Variants in LIPK observed in about 807,000 individuals in gnomAD.
The protein encoded by LIPK is lipase member K.
In LIPK, 32 loss-of-function variants were observed where a neutral mutation model predicts 48.6. That is an observed-to-expected ratio of 0.66 (90% CI 0.50 to 0.88). The LOEUF is 0.88. LIPK is among the 40% of genes least tolerant of loss of function. LIPK has a pLI of 0.00. For missense variants in LIPK, 507 were observed against 478.5 expected (o/e 1.06, Z -0.56); for synonymous variants, 164 against 157.4 (o/e 1.04, Z -0.32).
Position 88,729,114 on chromosome 10 carries a change from A to ATT in LIPK, c.224-1860_224-1859dup, listed in dbSNP as rs36130319. 5.3e-3 allele frequency among the ~76,000 whole-genome samples: 794 copies of ATT among 149,030 alleles called. 6 individuals are homozygous for ATT. Among genetic ancestry groups the ATT allele is most frequent in the South Asian group, 0.015 (71 of 4,682 alleles). ...TGCCTCCAGCTGAAAAAACAAGTCT[A>ATT]TTTTTTTTTTCTGAAACAGAGCCTC... is the stretch of plus-strand genomic sequence containing the variant. On this transcript the variant is annotated intron_variant, in intron 3 of 9. Transcript: ENST00000404190.
At chr10:88,721,327 C>T (rs2134706177) in intron 1 of LIPK, among the ~76,000 whole-genome samples, 1 of 152,284 alleles carries the variant, frequency 6.6e-6, no homozygotes, top group East Asian at 1.9e-4. Flanking sequence ...ATCAAGCACC[C>T]TTACCCAACA....
intron 6 of LIPK, among the ~76,000 whole-genome samples, chr10:88,735,252 A>G (rs1449958419): frequency 2.0e-5 from 3 of 151,846 alleles, no homozygotes; most frequent in African/African-American, 7.3e-5. Context: ...CTCACCTCCC[A>G]TTTTGCCCCT....
intron 4 of LIPK, among the ~76,000 whole-genome samples, chr10:88,731,511 C>G (rs959324925): frequency 6.6e-6 from 1 of 152,202 alleles, no homozygotes; most frequent in African/African-American, 2.4e-5. Flanking sequence ...AGGGTGCTGT[C>G]TACTTCAGAA....
At position 88,732,395 on chromosome 10, in the gene LIPK, A is replaced by G; in HGVS notation, c.533-20A>G. The G allele has an allele frequency of 1.9e-6, 3 of 1,603,660 alleles. No individual in the cohort carries two copies. Among genetic ancestry groups the G allele is most frequent in the Non-Finnish European group, 1.7e-6 (2 of 1,176,474 alleles). On this transcript the variant is annotated intron_variant, in intron 5 of 9. Coordinates refer to ENST00000404190, the MANE Select transcript of LIPK (RefSeq NM_001080518.2). The stretch of plus-strand genomic sequence containing the variant: ...AATAATTATCTGAAAACTATGAACT[A>G]CTGTCTTCTTCCATTTCAGCTTTTA...
At chr10:88,750,200 T>G (rs1842841529) in intron 9 of LIPK, among the ~76,000 whole-genome samples, 1 of 152,200 alleles carries the variant, frequency 6.6e-6, no homozygotes. Flanking sequence ...CATACACCAC[T>G]GGTGGGAATG....
Position 88,743,283 on chromosome 10 carries a change from TG to T in LIPK, c.926del (p.Gly309GlufsTer7), listed in dbSNP as rs751151382. On this transcript the variant is annotated frameshift_variant, in exon 9 of 10. Coordinates refer to ENST00000404190, the MANE Select transcript of LIPK (RefSeq NM_001080518.2). LOFTEE classifies it high-confidence loss of function. Reference sequence around the variant, plus strand: ...TTCTGGTCAGCTCCAAGCTTTTGATTGGGGAAACTCTGATCAGAACATGATG... The same window carrying T: ...TTCTGGTCAGCTCCAAGCTTTTGATTGGGAAACTCTGATCAGAACATGATG... The part of the protein sequence containing the change: ...VNSGQLQAFD[W>X]GNSDQNMMHF... The T allele has an allele frequency of 6.3e-7, 1 of 1,594,006 alleles. No homozygotes were observed. Among genetic ancestry groups the T allele is most frequent in the South Asian group, 1.1e-5 (1 of 88,042 alleles).
At chr10:88,738,544 G>A (rs1842619434) in intron 7 of LIPK, among the ~76,000 whole-genome samples, 1 of 152,174 alleles carries the variant, frequency 6.6e-6, no homozygotes, top group South Asian at 2.1e-4. Flanking sequence ...GCCTTTCTAT[G>A]TTCCTCTCTC....
intron 9 of LIPK, among the ~76,000 whole-genome samples, chr10:88,751,371 C>T (rs1056996197): frequency 1.3e-5 from 2 of 151,622 alleles, no homozygotes; most frequent in South Asian, 2.1e-4. Flanking sequence ...AAAAAAAATT[C>T]TTTTTTTTAA....
intron 1 of LIPK, among the ~76,000 whole-genome samples, chr10:88,716,300 A>G (rs1842115634): frequency 6.6e-6 from 1 of 150,920 alleles, no homozygotes; most frequent in African/African-American, 2.4e-5. Flanking sequence ...GAATATCACT[A>G]TTTATTAAGA....
At chr10:88,748,677 C>A (rs1252057407) in intron 9 of LIPK, among the ~76,000 whole-genome samples, 1 of 151,624 alleles carries the variant, frequency 6.6e-6, no homozygotes, top group Admixed American at 6.6e-5. Flanking sequence ...AAACCCACAG[C>A]CAACATAATA....
chr10:88,716,811 T>C (rs886957298), intron 1 of LIPK, among the ~76,000 whole-genome samples: 1 of 152,132 alleles, frequency 6.6e-6, no homozygotes, highest in African/African-American at 2.4e-5. Flanking sequence ...AGTGGAAGTA[T>C]CCTGAAGGCT....
chr10:88,723,997 TTTTATACCCAGTG>T (rs1484816684), intron 1 of LIPK, among the ~76,000 whole-genome samples: 1 of 152,176 alleles, frequency 6.6e-6, no homozygotes, highest in African/African-American at 2.4e-5. Flanking sequence ...TAAGAAATAA[TTTTATACCCAGTG>T]TTTATATACA....
chr10:88,730,245 A>C (rs1377242543), intron 3 of LIPK, among the ~76,000 whole-genome samples: 3 of 152,188 alleles, frequency 2.0e-5, no homozygotes, highest in Admixed American at 1.3e-4. Flanking sequence ...AAGTAACAGT[A>C]ATAGAGCTAA....
chr10:88,720,187 A>G (rs538014843), intron 1 of LIPK, among the ~76,000 whole-genome samples: 2 of 152,330 alleles, frequency 1.3e-5, no homozygotes, highest in African/African-American at 4.8e-5. Flanking sequence ...CTCCACTGTC[A>G]TGTAGAGCAT....
rs752206490 is a variant in LIPK at position 88,737,763 on chromosome 10, T to C, written c.798T>C (p.Asp266=). The change falls in exon 7 of 10, where the codon GAT becomes GAC. Residue 266 remains aspartate, a synonymous_variant. Coordinates refer to ENST00000404190, the MANE Select transcript of LIPK (RefSeq NM_001080518.2). ...TCCTATTTACTCTGAGTGGATTTGA[T>C]CCGCAAAACTTAAATATGGTAGGTG... The part of the protein sequence containing the change: ...SNFLFTLSGF[D]PQNLNMSRLD... 1 of 1,613,706 alleles carries C rather than the reference T, an allele frequency of 6.2e-7. No homozygotes were observed. Among genetic ancestry groups the C allele is most frequent in the Non-Finnish European group, 8.5e-7 (1 of 1,179,758 alleles).
intron 1 of LIPK, among the ~76,000 whole-genome samples, chr10:88,714,754 T>C (rs1194004538): frequency 1.3e-5 from 2 of 152,124 alleles, no homozygotes; most frequent in African/African-American, 4.8e-5. Context: ...GCACATATTG[T>C]AGCTCTATTT....
chr10:88,726,851 A>G lies in LIPK; in HGVS notation c.162A>G (p.Lys54=), dbSNP rs1471503816. The change falls in exon 3 of 10, where the codon AAA becomes AAG. Residue 54 remains lysine (K), a synonymous_variant. Transcript: ENST00000404190. ...ATGAAGAGTATGATGTTACAACAAA[A>G]GATGGTTATATCCTTGGAATTTATA... ...YPYEEYDVTT[K]DGYILGIYRI... 2 of 1,608,902 alleles carry G rather than the reference A, an allele frequency of 1.2e-6. No individual in the cohort carries two copies.
chr10:88,714,791 C>T (rs534750427), intron 1 of LIPK, among the ~76,000 whole-genome samples: 10 of 151,994 alleles, frequency 6.6e-5, no homozygotes, highest in Admixed American at 1.3e-4. Context: ...GTTAGGGTTA[C>T]TTGATTTTTA....
intron 9 of LIPK, among the ~76,000 whole-genome samples, chr10:88,752,191 A>G (rs539385612): frequency 6.6e-6 from 1 of 152,286 alleles, no homozygotes; most frequent in East Asian, 1.9e-4. Context: ...ATTTTGTTTG[A>G]AAAGGTCACA....
Sources: gnomAD v4.1 joint callset for allele counts (sites outside exome capture counted in the v4.1 genomes callset) on GRCh38, gnomAD v4.1.1 for gene constraint, MANE v1.5 for transcripts, NCBI Gene and HGNC (gene_info 2026-07-23, HGNC 2026-07-21) for gene names.